NRG1: variants seen among roughly 807,000 people sequenced by gnomAD.
NRG1 encodes pro-neuregulin-1, membrane-bound isoform.
In NRG1, 18 loss-of-function variants were observed where a neutral mutation model predicts 63.8. The observed-to-expected ratio is 0.28, with a 90% CI of 0.19 to 0.42. The LOEUF (loss-of-function observed/expected upper bound fraction) is 0.42. Ranked by LOEUF, NRG1 falls within the 10% of genes least tolerant of loss-of-function variation. The pLI, the probability that NRG1 is intolerant of heterozygous loss-of-function variation, is 1.00. For missense variants in NRG1, 762 were observed against 814.7 expected (o/e 0.94, Z 0.79); for synonymous variants, 302 against 301.3 (o/e 1.00, Z -0.02).
chr8:31,881,086 G>A (rs764735971), intron 1 of NRG1, among the ~76,000 whole-genome samples: 4 of 152,026 alleles, frequency 2.6e-5, no homozygotes, highest in Non-Finnish European at 4.4e-5. Context: ...TTAAGTTTCC[G>A]TTCCAGGATC....
chr8:31,902,863 G>T (rs1832203401), intron 1 of NRG1, among the ~76,000 whole-genome samples: 1 of 152,172 alleles, frequency 6.6e-6, no homozygotes, highest in Non-Finnish European at 1.5e-5. Context: ...CCATTGGGAG[G>T]TATGGACCAG....
Position 31,933,425 on chromosome 8 carries a change from C to T in NRG1, c.37+293994C>T, listed in dbSNP as rs1416488926. Among the ~76,000 whole-genome samples, 17 of 152,110 alleles carry T rather than the reference C, an allele frequency of 1.1e-4. No homozygotes were observed. In the East Asian group the frequency reaches 1.5e-3, roughly 14 times the overall value. ...CCTCCCGAGTAGCTGGGATTACAGG[C>T]GTGTGCCACCACACCTGTCTAATTT... On this transcript the variant is annotated intron_variant, in intron 1 of 10. Transcript: ENST00000519301.
chr8:32,587,438 G>A (rs1340515599), intron 1 of NRG1, among the ~76,000 whole-genome samples: 1 of 152,030 alleles, frequency 6.6e-6, no homozygotes, highest in Non-Finnish European at 1.5e-5. Flanking sequence ...AAGATAATAC[G>A]ACTTACTTGA....
At chr8:32,211,503 T>C (rs1050122690) in intron 1 of NRG1, among the ~76,000 whole-genome samples, 2 of 152,164 alleles carry the variant, frequency 1.3e-5, no homozygotes, top group Admixed American at 1.3e-4. Context: ...AGCATGCACA[T>C]CACTTTACAC....
chr8:31,775,057 AACT>A (rs1278884798), intron 1 of NRG1, among the ~76,000 whole-genome samples: 1 of 152,186 alleles, frequency 6.6e-6, no homozygotes, highest in Non-Finnish European at 1.5e-5. Context: ...CCAAAAATAG[AACT>A]ACTATTCAAT....
intron 1 of NRG1, among the ~76,000 whole-genome samples, chr8:32,434,348 T>C (rs750846759): frequency 3.1e-4 from 47 of 152,306 alleles, no homozygotes; most frequent in South Asian, 6.2e-4. Context: ...AAAAGCATTG[T>C]TCTGCCTTTT....
At chr8:31,849,163 T>C (rs1826974458) in intron 1 of NRG1, among the ~76,000 whole-genome samples, 1 of 152,178 alleles carries the variant, frequency 6.6e-6, no homozygotes, top group African/African-American at 2.4e-5. Flanking sequence ...GTGCTTTCCA[T>C]GCATTATATC....
intron 1 of NRG1, among the ~76,000 whole-genome samples, chr8:31,650,571 G>A (rs1804733216): frequency 6.6e-6 from 1 of 152,112 alleles, no homozygotes; most frequent in Non-Finnish European, 1.5e-5. Context: ...AAATCCTACT[G>A]CTTCCATAAT....
intron 1 of NRG1, among the ~76,000 whole-genome samples, chr8:31,905,049 T>C (rs748058827): frequency 3.3e-4 from 50 of 151,872 alleles, no homozygotes; most frequent in Non-Finnish European, 5.1e-4. Flanking sequence ...TAAGATCATC[T>C]AGACTTGGGT....
intron 1 of NRG1, among the ~76,000 whole-genome samples, chr8:31,892,852 C>T (rs1015375347): frequency 1.3e-5 from 2 of 151,920 alleles, no homozygotes; most frequent in Non-Finnish European, 1.5e-5. Flanking sequence ...CAAACAAACT[C>T]CTACAAAAGT....
At chr8:32,769,280 G>A (rs1254195056), downstream of NRG1, among the ~76,000 whole-genome samples, 1 of 152,228 alleles carries the variant, frequency 6.6e-6, no homozygotes. Context: ...TGAGGCAGAA[G>A]CACGTGTGTG....
At chr8:32,184,987 G>C (rs977449739) in intron 1 of NRG1, among the ~76,000 whole-genome samples, 1 of 152,182 alleles carries the variant, frequency 6.6e-6, no homozygotes, top group African/African-American at 2.4e-5. Flanking sequence ...CTGTGGTCCT[G>C]CCTTGTAGAT....
chr8:31,845,384 A>G (rs1488841910), intron 1 of NRG1, among the ~76,000 whole-genome samples: 2 of 152,150 alleles, frequency 1.3e-5, no homozygotes, highest in African/African-American at 4.8e-5. Flanking sequence ...TCCTCTTTAC[A>G]TATTATGTTG....
At chr8:32,046,027 C>A (rs1213295295) in intron 1 of NRG1, among the ~76,000 whole-genome samples, 1 of 151,936 alleles carries the variant, frequency 6.6e-6, no homozygotes, top group Admixed American at 6.6e-5. Flanking sequence ...GAAATAAAAT[C>A]TTTTCAAATT....
At chr8:31,989,975 G>C (rs1202527041) in intron 1 of NRG1, among the ~76,000 whole-genome samples, 1 of 152,110 alleles carries the variant, frequency 6.6e-6, no homozygotes. Context: ...TTCTATGAGA[G>C]CATTGCAAAT....
chr8:31,776,620 T>A (rs966458168), intron 1 of NRG1, among the ~76,000 whole-genome samples: 1 of 152,074 alleles, frequency 6.6e-6, no homozygotes, highest in Non-Finnish European at 1.5e-5. Context: ...ACATGTGCCA[T>A]GTTGGTGTGC....
intron 5 of NRG1, among the ~76,000 whole-genome samples, chr8:32,705,283 C>T (rs919355289): frequency 6.6e-6 from 1 of 152,064 alleles, no homozygotes; most frequent in Non-Finnish European, 1.5e-5. Flanking sequence ...AGGCTCCAGC[C>T]ACCACACCCG....
rs138586410 is a variant in NRG1 at position 32,564,107 on chromosome 8, G to A, written c.100+15281G>A. On this transcript the variant is annotated intron_variant, in intron 1 of 11. Transcript: ENST00000356819. Reference sequence around the variant, plus strand: ...ATGGCCTTTTTAAATCAGAGTCACCGAGTCCCACACAGAGAAACAGAGAAT... The same window carrying A: ...ATGGCCTTTTTAAATCAGAGTCACCAAGTCCCACACAGAGAAACAGAGAAT... Among the ~76,000 whole-genome samples, 236 of 152,238 alleles carry A rather than the reference G, an allele frequency of 1.6e-3. 1 individual carries two copies. The highest frequency in any genetic ancestry group is 5.4e-3 in the African/African-American group (223 of 41,532).
chr8:32,517,597 A>G (rs974527635), intron 1 of NRG1, among the ~76,000 whole-genome samples: 3 of 152,196 alleles, frequency 2.0e-5, no homozygotes, highest in Non-Finnish European at 4.4e-5. Context: ...GTGTATACTA[A>G]CATGCAGCTC....
Sources: gnomAD v4.1 joint callset for allele counts (sites outside exome capture counted in the v4.1 genomes callset) on GRCh38, gnomAD v4.1.1 for gene constraint, MANE v1.5 for transcripts, NCBI Gene and HGNC (gene_info 2026-07-23, HGNC 2026-07-21) for gene names.